SHANK2: variants seen among roughly 807,000 people sequenced by gnomAD.
SHANK2 encodes the protein SH3 and multiple ankyrin repeat domains 2, also known as SH3 and multiple ankyrin repeat domains protein 2.
Under a neutral mutation model 133.7 loss-of-function variants are expected in SHANK2, and 43 were observed. The ratio of observed to expected loss-of-function variants is 0.32; its 90% CI spans 0.25 to 0.41. The LOEUF (loss-of-function observed/expected upper bound fraction) is 0.41, where lower values mean the gene tolerates loss of function less well. Ranked by LOEUF, SHANK2 falls within the 10% of genes least tolerant of loss-of-function variation. SHANK2 has a pLI of 1.00. For synonymous variants in SHANK2, 1,017 were observed against 952.8 expected (o/e 1.07, Z -1.24); for missense variants, 1,994 against 2,235.8 (o/e 0.89, Z 2.18).
chr11:70,796,360 C>G (rs1441630045), intron 14 of SHANK2, among the ~76,000 whole-genome samples: 1 of 152,216 alleles, frequency 6.6e-6, no homozygotes, highest in African/African-American at 2.4e-5. Context: ...AGCAGCCCTC[C>G]AGGACTGCCC....
intron 17 of SHANK2, among the ~76,000 whole-genome samples, chr11:70,514,295 T>C (rs2059239985): frequency 6.6e-6 from 1 of 152,206 alleles, no homozygotes; most frequent in Non-Finnish European, 1.5e-5. Flanking sequence ...GAAAATTCTT[T>C]AAAGAATACA....
At chr11:70,874,803 T>C (rs1398785123) in intron 11 of SHANK2, among the ~76,000 whole-genome samples, 4 of 152,170 alleles carry the variant, frequency 2.6e-5, no homozygotes, top group African/African-American at 9.7e-5. Context: ...CGAGTTCACT[T>C]TGTCTTTATA....
chr11:71,078,065 C>T (rs1951244821), intron 8 of SHANK2, among the ~76,000 whole-genome samples: 1 of 152,008 alleles, frequency 6.6e-6, no homozygotes, highest in Non-Finnish European at 1.5e-5. Context: ...AAATACCACT[C>T]CACACTAAAA....
intron 14 of SHANK2, among the ~76,000 whole-genome samples, chr11:70,789,189 T>C (rs1299691070): frequency 6.6e-6 from 1 of 152,112 alleles, no homozygotes; most frequent in Middle Eastern, 3.2e-3. Context: ...ACACAACACG[T>C]GTTTCCTTAT....
At chr11:71,226,272 TAGAGTG>T (rs1954642167) in intron 1 of SHANK2, among the ~76,000 whole-genome samples, 1 of 152,094 alleles carries the variant, frequency 6.6e-6, no homozygotes, top group Non-Finnish European at 1.5e-5. Flanking sequence ...AACTGAACAA[TAGAGTG>T]AAACAGACTG....
chr11:70,943,159 A>G, intron 10 of SHANK2: 1 of 449,382 alleles, frequency 2.2e-6, no homozygotes, highest in Admixed American at 2.4e-5. Context: ...CTGGAGAGAC[A>G]TCACATCATT....
intron 17 of SHANK2, among the ~76,000 whole-genome samples, chr11:70,644,043 G>C (rs1330906542): frequency 5.9e-5 from 9 of 152,180 alleles, no homozygotes; most frequent in African/African-American, 2.2e-4. Context: ...CACTGGTCCT[G>C]TTTCAGAGCT....
intron 11 of SHANK2, among the ~76,000 whole-genome samples, chr11:70,876,328 G>A (rs4025746): frequency 0.93 from 140,025 of 150,172 alleles, 66,049 homozygotes; most frequent in East Asian, 1. Flanking sequence ...TTGGGAGGCC[G>A]AGGCGGGCAG....
At chr11:70,713,104 G>C (rs1274985061) in intron 14 of SHANK2, among the ~76,000 whole-genome samples, 1 of 152,228 alleles carries the variant, frequency 6.6e-6, no homozygotes, top group Non-Finnish European at 1.5e-5. Context: ...TTTGTGTGTG[G>C]GCAGGGGAGG....
At chr11:70,553,665 T>C (rs1304986787) in intron 17 of SHANK2, among the ~76,000 whole-genome samples, 1 of 152,164 alleles carries the variant, frequency 6.6e-6, no homozygotes, top group African/African-American at 2.4e-5. Context: ...CCGAGGGCCA[T>C]GCGATCATCA....
At chr11:70,604,757 C>T (rs2136342721) in intron 17 of SHANK2, 1 of 152,424 alleles carries the variant, frequency 6.6e-6, no homozygotes, top group African/African-American at 2.4e-5. Flanking sequence ...TGAAGTCTCA[C>T]AATGGCCCCT....
intron 11 of SHANK2, among the ~76,000 whole-genome samples, chr11:70,866,174 A>T (rs1949354657): frequency 6.6e-6 from 1 of 152,142 alleles, no homozygotes; most frequent in Non-Finnish European, 1.5e-5. Flanking sequence ...GGTCTGCTGC[A>T]GTCTACACCC....
chr11:71,076,197 A>G (rs1484405105), intron 8 of SHANK2, among the ~76,000 whole-genome samples: 1 of 152,128 alleles, frequency 6.6e-6, no homozygotes, highest in Non-Finnish European at 1.5e-5. Flanking sequence ...GGTGGCCACA[A>G]CCTTGGACCT....
intron 17 of SHANK2, among the ~76,000 whole-genome samples, chr11:70,642,839 G>C (rs1473995590): frequency 1.3e-5 from 2 of 152,162 alleles, no homozygotes; most frequent in African/African-American, 4.8e-5. Flanking sequence ...TTTCTAATTA[G>C]ATAAAGAATA....
At chr11:71,098,061 T>C (rs1314399671) in intron 6 of SHANK2, among the ~76,000 whole-genome samples, 9 of 149,118 alleles carry the variant, frequency 6.0e-5, no homozygotes, top group African/African-American at 2.2e-4. Flanking sequence ...TGCCTGTGTG[T>C]ACATGCCTGT....
Position 70,469,642 on chromosome 11 carries a change from CAAA to C in SHANK2, c.*3224_*3226del, listed in dbSNP as rs570874992. The C allele has an allele frequency of 6.8e-6, 1 of 147,976 alleles. No individual in the cohort carries two copies. The highest frequency in any genetic ancestry group is 1.5e-5 in the Non-Finnish European group (1 of 66,896). 9.2% of individuals were successfully genotyped at this position (147,976 alleles called of 1,614,324 possible). A position where few individuals can be genotyped will look rare whatever the true frequency, so the allele number is the denominator to read the frequency against. On this transcript the variant is annotated 3_prime_UTR_variant, in exon 26 of 26. Transcript: ENST00000601538. ...GTGAAACATATTAGTATTTAAAAAA[CAAA>C]AAAAAATTGTTAATGGGAAAATCAA...
At chr11:70,866,426 T>G (rs1949360208) in intron 11 of SHANK2, among the ~76,000 whole-genome samples, 1 of 152,116 alleles carries the variant, frequency 6.6e-6, no homozygotes, top group South Asian at 2.1e-4. Context: ...GAGAACGAGA[T>G]GCTGCTGAAA....
intron 8 of SHANK2, among the ~76,000 whole-genome samples, chr11:71,085,701 A>T (rs1246149219): frequency 7.8e-5 from 2 of 25,590 alleles, no homozygotes; most frequent in East Asian, 2.2e-3. Flanking sequence ...ATAACATATT[A>T]TATGTTATAT....
intron 10 of SHANK2, among the ~76,000 whole-genome samples, chr11:70,917,854 G>C (rs1006922864): frequency 6.6e-6 from 1 of 152,056 alleles, no homozygotes; most frequent in Non-Finnish European, 1.5e-5. Flanking sequence ...GAGCCTTTCA[G>C]GGGGGTGGAG....
Sources: allele counts gnomAD v4.1 joint callset (sites outside exome capture counted in the v4.1 genomes callset), GRCh38; gene constraint gnomAD v4.1.1; transcripts MANE v1.5; gene names NCBI Gene and HGNC (gene_info 2026-07-23, HGNC 2026-07-21).